Variants in DCDC2C observed in about 807,000 individuals in gnomAD.
DCDC2C encodes doublecortin domain containing 2C, also known as doublecortin domain-containing protein 2C.
In DCDC2C, 44 loss-of-function variants were observed where a neutral mutation model predicts 45.0. The observed-to-expected ratio is 0.98, with a 90% CI of 0.77 to 1.26. The LOEUF (loss-of-function observed/expected upper bound fraction) is 1.26. Ranked by LOEUF, DCDC2C falls within the 50% of genes most tolerant of loss-of-function variation. The probability of loss-of-function intolerance (pLI) is 0.00; values close to 1 mark genes in which losing one functional copy is unlikely to be tolerated. For synonymous variants in DCDC2C, 187 were observed against 178.8 expected (o/e 1.05, Z -0.37); for missense variants, 447 against 468.9 (o/e 0.95, Z 0.43).
At chr2:3,806,427 G>A (rs756762864) in intron 10 of DCDC2C, among the ~76,000 whole-genome samples, 1 of 152,226 alleles carries the variant, frequency 6.6e-6, no homozygotes, top group East Asian at 1.9e-4. Flanking sequence ...CCTGTGTTCT[G>A]TGAGTGCCCG....
chr2:3,742,135 G>A (rs1411928824), intron 4 of DCDC2C, 87 bp downstream of exon 4: 4 of 1,379,670 alleles, frequency 2.9e-6, no homozygotes, highest in Non-Finnish European at 3.8e-6. Flanking sequence ...GGACCAGCAA[G>A]GTCTAAAATG....
At chr2:3,729,771 C>T (rs1321915750) in intron 3 of DCDC2C, among the ~76,000 whole-genome samples, 2 of 152,156 alleles carry the variant, frequency 1.3e-5, no homozygotes, top group Non-Finnish European at 2.9e-5. Context: ...CAGGTGTTGG[C>T]TGGATGAACA....
intron 3 of DCDC2C, among the ~76,000 whole-genome samples, chr2:3,727,933 C>T (rs953580266): frequency 6.6e-6 from 1 of 152,204 alleles, no homozygotes; most frequent in Non-Finnish European, 1.5e-5. Flanking sequence ...AATGGCAGCT[C>T]TTCCCCCTGT....
intron 3 of DCDC2C, 55 bp downstream of exon 3, chr2:3,727,134 C>A: frequency 7.1e-7 from 1 of 1,400,704 alleles, no homozygotes; most frequent in Non-Finnish European, 9.9e-7. Context: ...TCCCTAAAAA[C>A]AATACTTTCT....
In DCDC2C at chr2:3,703,697, C is replaced by T. The variant is rs1572541075; in HGVS notation, c.-55C>T. 1.6e-6 allele frequency: 2 copies of T among 1,221,912 alleles called. No homozygotes were observed. The highest frequency in any genetic ancestry group is 6.5e-5 in the East Asian group (2 of 30,948). 75.7% of individuals were successfully genotyped at this position (1,221,912 alleles called of 1,614,324 possible). Reference sequence around the variant, plus strand: ...CCTGGGCGCGGCTCTGCAGGCGTCGCTGCCCGCGCTGCCGCAGCCTCTCGG... The same window carrying T: ...CCTGGGCGCGGCTCTGCAGGCGTCGTTGCCCGCGCTGCCGCAGCCTCTCGG... On this transcript the variant is annotated 5_prime_UTR_variant, in exon 1 of 11. Coordinates refer to ENST00000399143, the MANE Select transcript of DCDC2C (RefSeq NM_001287444.2). The surrounding 1 kb of genome is among the most constrained non-coding windows in gnomAD (Gnocchi z 4.4).
intron 10 of DCDC2C, among the ~76,000 whole-genome samples, chr2:3,828,351 C>T (rs944039956): frequency 2.0e-5 from 3 of 152,122 alleles, no homozygotes; most frequent in Admixed American, 6.5e-5. Flanking sequence ...GGGTGCAGGG[C>T]GGGTGCCGCT....
intron 1 of DCDC2C, among the ~76,000 whole-genome samples, chr2:3,706,423 GATA>G (rs1405495755): frequency 3.3e-5 from 5 of 152,104 alleles, no homozygotes; most frequent in Admixed American, 6.5e-5. Context: ...AATATTATAA[GATA>G]ATAATTACTT....
Position 3,769,295 on chromosome 2 carries a change from T to C in DCDC2C, c.854-16T>C. ...TCCATGGGTTTCAAAAGTTTGTCTG[T>C]GTGATTTTCTCCCAGAAGGTGACGT... is the stretch of plus-strand genomic sequence containing the variant. On this transcript the variant is annotated splice_polypyrimidine_tract_variant and intron_variant, in intron 7 of 10. Coordinates refer to ENST00000399143, the MANE Select transcript of DCDC2C (RefSeq NM_001287444.2). 1 of 1,547,056 alleles carries C rather than the reference T, an allele frequency of 6.5e-7. No individual in the cohort carries two copies. The highest frequency in any genetic ancestry group is 8.7e-7 in the Non-Finnish European group (1 of 1,144,058).
Position 3,704,901 on chromosome 2 carries a change from A to G in DCDC2C, c.287+863A>G, listed in dbSNP as rs1668024320. On this transcript the variant is annotated intron_variant, in intron 1 of 10. Transcript: ENST00000399143. ...CACGGTTTGTGTCTGTAATCCCATTATTGCAGCCTGTGTCTGCTTTCTGTG... is the reference window on the plus strand; with the variant it reads ...CACGGTTTGTGTCTGTAATCCCATTGTTGCAGCCTGTGTCTGCTTTCTGTG... Among the ~76,000 whole-genome samples the G allele has an allele frequency of 2.0e-5, 3 of 152,240 alleles. No individual in the cohort carries two copies. In the South Asian group the frequency reaches 6.2e-4, roughly 32 times the overall value.
At chr2:3,786,144 GCA>G (rs765573198) in intron 10 of DCDC2C, among the ~76,000 whole-genome samples, 21 of 152,248 alleles carry the variant, frequency 1.4e-4, no homozygotes, top group Non-Finnish European at 2.9e-4. Context: ...TCTTGCCTAT[GCA>G]CAGAGCCTCT....
chr2:3,774,727 G>C (rs61278165), intron 8 of DCDC2C, among the ~76,000 whole-genome samples: 21,474 of 151,946 alleles, frequency 0.14, 2,460 homozygotes, highest in African/African-American at 0.31. Flanking sequence ...TTCAGGCTCC[G>C]CTGAAATGTA....
At chr2:3,704,168 C>A in intron 1 of DCDC2C, 130 bp downstream of exon 1, 1 of 926,030 alleles carries the variant, frequency 1.1e-6, no homozygotes, top group Non-Finnish European at 1.4e-6. Context: ...CATCTTTCGG[C>A]GTGGATCCAG....
chr2:3,754,635 GT>G lies in DCDC2C; in HGVS notation c.726+2del. Reference sequence around the variant, plus strand: ...AAAAAACTCACAGAGAAAGAAAAAAGTAAGTAACTTTTTAAAACAAGTAAGT... The same window carrying G: ...AAAAAACTCACAGAGAAAGAAAAAAGAAGTAACTTTTTAAAACAAGTAAGT... On this transcript the variant is annotated splice_donor_variant, in intron 6 of 10. Transcript: ENST00000399143. LOFTEE classifies it high-confidence loss of function. 2 of 1,549,092 alleles carry G rather than the reference GT, an allele frequency of 1.3e-6. No homozygotes were observed. The highest frequency in any genetic ancestry group is 1.7e-6 in the Non-Finnish European group (2 of 1,146,372).
intron 10 of DCDC2C, among the ~76,000 whole-genome samples, chr2:3,794,439 T>C (rs1437189692): frequency 6.6e-6 from 1 of 152,234 alleles, no homozygotes; most frequent in Non-Finnish European, 1.5e-5. Context: ...TATGTATACA[T>C]GTGCCATGCT....
At chr2:3,720,776 T>C (rs1668477468) in intron 2 of DCDC2C, among the ~76,000 whole-genome samples, 1 of 152,212 alleles carries the variant, frequency 6.6e-6, no homozygotes, top group Non-Finnish European at 1.5e-5. Flanking sequence ...GTATCCTTTT[T>C]ATACTTGTTG....
intron 10 of DCDC2C, among the ~76,000 whole-genome samples, chr2:3,841,859 G>A (rs1384940985): frequency 2.0e-5 from 3 of 151,878 alleles, no homozygotes; most frequent in African/African-American, 4.8e-5. Flanking sequence ...TATAACCCCC[G>A]CTTTTTTTTT....
At chr2:3,747,346 C>T (rs1434655579) in intron 4 of DCDC2C, among the ~76,000 whole-genome samples, 2 of 152,246 alleles carry the variant, frequency 1.3e-5, no homozygotes, top group East Asian at 3.8e-4. Context: ...AGGCGACACT[C>T]ATTCTGGAGA....
chr2:3,780,317 C>T (rs1670475703), intron 9 of DCDC2C, among the ~76,000 whole-genome samples: 1 of 152,176 alleles, frequency 6.6e-6, no homozygotes, highest in Non-Finnish European at 1.5e-5. Context: ...GGCCTTCTGA[C>T]TGCCGTGAGT....
chr2:3,755,501 G>T (rs991444275), intron 6 of DCDC2C, among the ~76,000 whole-genome samples: 1 of 152,028 alleles, frequency 6.6e-6, no homozygotes, highest in African/African-American at 2.4e-5. Flanking sequence ...AGGAGTACAC[G>T]TGTGTATGAA....
Sources: allele counts gnomAD v4.1 joint callset (sites outside exome capture counted in the v4.1 genomes callset), GRCh38; gene constraint gnomAD v4.1.1; non-coding constraint Gnocchi (gnomAD v3.1); transcripts MANE v1.5; gene names NCBI Gene and HGNC (gene_info 2026-07-23, HGNC 2026-07-21).